The following SBNO2 variants were observed in gnomAD, a reference collection of about 807,000 sequenced individuals.
SBNO2 encodes the protein strawberry notch homolog 2.
A neutral mutation model predicts 146.3 loss-of-function variants in SBNO2; 89 were observed. That is an observed-to-expected ratio of 0.61 (90% CI 0.51 to 0.73). The LOEUF (loss-of-function observed/expected upper bound fraction) is 0.73, where lower values mean the gene tolerates loss of function less well. SBNO2 is among the 30% of genes least tolerant of loss of function. The pLI, the probability that SBNO2 is intolerant of heterozygous loss-of-function variation, is 0.00. For missense variants in SBNO2, 2,092 were observed against 2,003.7 expected, an observed-to-expected ratio of 1.04 and a Z score of -0.84; for synonymous variants, 1,147 against 892.6, an observed-to-expected ratio of 1.29 and a Z score of -5.08.
intron 1 of SBNO2, among the ~76,000 whole-genome samples, chr19:1,154,874 C>CT (rs1184167147): frequency 1.3e-5 from 2 of 152,222 alleles, no homozygotes; most frequent in Non-Finnish European, 2.9e-5. Context: ...ACAGTGAGGT[C>CT]TCCCAAGGAG....
intron 1 of SBNO2, among the ~76,000 whole-genome samples, chr19:1,164,256 T>C (rs2080379404): frequency 6.6e-6 from 1 of 152,164 alleles, no homozygotes; most frequent in Non-Finnish European, 1.5e-5. Flanking sequence ...AGGAACAGCT[T>C]GAGCGGGTGG....
intron 4 of SBNO2, among the ~76,000 whole-genome samples, chr19:1,142,319 G>GT (rs2080148961): frequency 1.0e-5 from 1 of 100,244 alleles, no homozygotes. Flanking sequence ...AGGCCGTGAA[G>GT]GCTCTCCAGC....
At chr19:1,119,739 G>T in intron 12 of SBNO2, 118 bp from the exon 13 acceptor site, 1 of 1,019,598 alleles carries the variant, frequency 9.8e-7, no homozygotes, top group Non-Finnish European at 1.5e-6. Context: ...CCATGGGCCT[G>T]AAGAGAGCCA....
chr19:1,158,066 C>T lies in SBNO2; in HGVS notation c.-126-3664G>A, dbSNP rs1445746711. On this transcript the variant is annotated intron_variant, in intron 1 of 31. Coordinates refer to ENST00000361757, the MANE Select transcript of SBNO2 (RefSeq NM_014963.3). The surrounding 1 kb of genome is among the most constrained non-coding windows in gnomAD (Gnocchi z 9.9). ...TCTCCTGAGTCCGGGTAACTGCGGC[C>T]GCCTCCCGCCTCTTTCTTCTGAGCC... Among the ~76,000 whole-genome samples the T allele has an allele frequency of 2.0e-5, 3 of 152,100 alleles. No homozygotes were observed. Among genetic ancestry groups the T allele is most frequent in the Admixed American group, 6.6e-5 (1 of 15,264 alleles).
chr19:1,135,999 C>T (rs2080081480), intron 4 of SBNO2, among the ~76,000 whole-genome samples: 1 of 151,784 alleles, frequency 6.6e-6, no homozygotes, highest in African/African-American at 2.4e-5. Context: ...GGAATCCGGT[C>T]CTTGCAGATG....
chr19:1,165,652 CT>C (rs1199853765), intron 1 of SBNO2, among the ~76,000 whole-genome samples: 24 of 150,934 alleles, frequency 1.6e-4, no homozygotes, highest in African/African-American at 5.6e-4. Flanking sequence ...CTTCAGATCC[CT>C]AGATCCCAGA....
intron 16 of SBNO2, among the ~76,000 whole-genome samples, 159 bp downstream of exon 16, chr19:1,116,670 G>A (rs181885395): frequency 2.6e-5 from 4 of 152,106 alleles, no homozygotes; most frequent in South Asian, 2.1e-4. Flanking sequence ...CTGGAGCAGC[G>A]GTGAAGGCCT....
chr19:1,138,255 G>A (rs1568603234), intron 4 of SBNO2, among the ~76,000 whole-genome samples: 1 of 149,270 alleles, frequency 6.7e-6, no homozygotes, highest in Non-Finnish European at 1.5e-5. Flanking sequence ...GGCTGCCCTG[G>A]GGGACACTCA....
In SBNO2 at chr19:1,136,348, G is replaced by A. The variant is rs564545150; in HGVS notation, c.280-8583C>T. Reference sequence around the variant, plus strand: ...CTGGGCTCCCTTCTGTCAGGGTTCCGGCCAGGTGCCTGGTATGGGCCCTGG... The same window carrying A: ...CTGGGCTCCCTTCTGTCAGGGTTCCAGCCAGGTGCCTGGTATGGGCCCTGG... On this transcript the variant is annotated intron_variant, in intron 4 of 31. Transcript: ENST00000361757. This position sits in a 1 kb window ranked among gnomAD's most constrained non-coding sequence, Gnocchi z 4.2. Among the ~76,000 whole-genome samples the A allele has an allele frequency of 2.2e-4, 34 of 152,328 alleles. No individual in the cohort carries two copies. Among genetic ancestry groups the A allele is most frequent in the Admixed American group, 5.9e-4 (9 of 15,308 alleles).
chr19:1,156,219 C>G (rs546794700), intron 1 of SBNO2, among the ~76,000 whole-genome samples: 1 of 152,174 alleles, frequency 6.6e-6, no homozygotes, highest in East Asian at 1.9e-4. Flanking sequence ...CTGAGCCCCC[C>G]ACGTCTGTGG....
chr19:1,125,583 G>C (rs2079956038), intron 5 of SBNO2, among the ~76,000 whole-genome samples: 1 of 152,010 alleles, frequency 6.6e-6, no homozygotes, highest in South Asian at 2.1e-4. Context: ...GGAGGCAGGA[G>C]AATCTCTTGA....
Position 1,158,819 on chromosome 19 carries a change from TAA to T in SBNO2, c.-126-4419_-126-4418del, listed in dbSNP as rs1035754029. On this transcript the variant is annotated intron_variant, in intron 1 of 31. Coordinates refer to ENST00000361757, the MANE Select transcript of SBNO2 (RefSeq NM_014963.3). This position sits in a 1 kb window ranked among gnomAD's most constrained non-coding sequence, Gnocchi z 9.9. The stretch of plus-strand genomic sequence containing the variant: ...GGAACCCCGCACAGAGCCACGGCCA[TAA>T]GACAGAGCGGACTTGCGGCCTCCGG... Among the ~76,000 whole-genome samples the T allele has an allele frequency of 3.3e-5, 5 of 152,098 alleles. No individual in the cohort carries two copies. The highest frequency in any genetic ancestry group is 1.2e-4 in the African/African-American group (5 of 41,382).
intron 1 of SBNO2, among the ~76,000 whole-genome samples, chr19:1,170,184 G>A (rs1298839923): frequency 2.0e-5 from 3 of 152,330 alleles, no homozygotes; most frequent in Non-Finnish European, 2.9e-5. Context: ...GGCCCAGGGC[G>A]AGAGCTGATG....
rs2079755611 is a variant in SBNO2 at position 1,111,227 on chromosome 19, C to G, written c.2810-134G>C. The G allele has an allele frequency of 2.9e-5, 30 of 1,019,510 alleles. 1 individual carries two copies. In the South Asian group the frequency reaches 4.2e-4, roughly 14 times the overall value. 63.2% of individuals were successfully genotyped at this position (1,019,510 alleles called of 1,614,324 possible). A position where few individuals can be genotyped will look rare whatever the true frequency, so the allele number is the denominator to read the frequency against. ...CTGCAGCCTAGGGCCAGGGCCAGGG[C>G]CAGGAGCGGAGCCTTTTGCCTGACT... is the stretch of plus-strand genomic sequence containing the variant. On this transcript the variant is annotated intron_variant, in intron 24 of 31. Transcript: ENST00000361757.
chr19:1,169,335 G>A (rs967248099), intron 1 of SBNO2, among the ~76,000 whole-genome samples: 10 of 152,210 alleles, frequency 6.6e-5, no homozygotes, highest in African/African-American at 1.2e-4. Flanking sequence ...GCACGAGTGC[G>A]GCCCCAGGCT....
rs757534075 is a variant in SBNO2 at position 1,110,705 on chromosome 19, C to CCCA, written c.3028+37_3028+39dup. On this transcript the variant is annotated intron_variant, in intron 26 of 31. Transcript: ENST00000361757. This position sits in a 1 kb window ranked among gnomAD's most constrained non-coding sequence, Gnocchi z 4.9. ...GCATGGCGTTCCCACGAGCCCCGCA[C>CCCA]CCACACCCACCCACACCACACCCCG... 9 of 1,608,904 alleles carry CCCA rather than the reference C, an allele frequency of 5.6e-6. No individual in the cohort carries two copies. In the South Asian group the frequency reaches 9.9e-5, roughly 18 times the overall value.
Position 1,112,718 on chromosome 19 carries a change from C to T in SBNO2, c.2379+100G>A. 6.9e-7 allele frequency: 1 copy of T among 1,459,784 alleles called. No individual in the cohort carries two copies. The highest frequency in any genetic ancestry group is 2.4e-5 in the Admixed American group (1 of 42,172). The allele number at this position is 1,459,784 out of a possible 1,614,324, so 90.4% of individuals were successfully genotyped here. A position where few individuals can be genotyped will look rare whatever the true frequency, so the allele number is the denominator to read the frequency against. On this transcript the variant is annotated intron_variant, in intron 20 of 31. Coordinates refer to ENST00000361757, the MANE Select transcript of SBNO2 (RefSeq NM_014963.3). This position sits in a 1 kb window ranked among gnomAD's most constrained non-coding sequence, Gnocchi z 5.9. ...CTCGCGCCCGCACCTGGCACACACA[C>T]ACTCCAGAAGTGCGCGGGTCCACAG...
At chr19:1,154,920 C>T (rs2080275537) in intron 1 of SBNO2, among the ~76,000 whole-genome samples, 1 of 152,190 alleles carries the variant, frequency 6.6e-6, no homozygotes, top group Non-Finnish European at 1.5e-5. Flanking sequence ...GAAGAGCACC[C>T]AGACCTCGTT....
rs574097461 is a variant in SBNO2 at position 1,140,736 on chromosome 19, C to T, written c.279+6573G>A. ...CAGGGATGCCCGCAGGCAGCTCCCA[C>T]GGGCAGAGGCTGCTGACCCCGCCTT... is the stretch of plus-strand genomic sequence containing the variant. On this transcript the variant is annotated intron_variant, in intron 4 of 31. Coordinates refer to ENST00000361757, the MANE Select transcript of SBNO2 (RefSeq NM_014963.3). The surrounding 1 kb of genome is among the most constrained non-coding windows in gnomAD (Gnocchi z 4.4). 9.8e-5 allele frequency among the ~76,000 whole-genome samples: 15 copies of T among 152,298 alleles called. No homozygotes were observed. The South Asian group carries it at 1.0e-3, about 11-fold the overall frequency.
Sources: gnomAD v4.1 joint callset for allele counts (sites outside exome capture counted in the v4.1 genomes callset) on GRCh38, gnomAD v4.1.1 for gene constraint, Gnocchi (gnomAD v3.1) non-coding constraint, MANE v1.5 for transcripts, NCBI Gene and HGNC (gene_info 2026-07-23, HGNC 2026-07-21) for gene names.